Variants in YBX3 observed in about 807,000 individuals in gnomAD.
YBX3 encodes the protein Y-box binding protein 3, also known as Y-box-binding protein 3.
YBX3 carries 29 observed loss-of-function variants against 42.4 expected under a neutral mutation model. The ratio of observed to expected loss-of-function variants is 0.68; its 90% CI spans 0.51 to 0.93. YBX3 has a LOEUF of 0.93. Among genes scored for constraint, YBX3 ranks in the 40% least tolerant of loss-of-function variants. YBX3 has a pLI of 0.00. For missense variants in YBX3, 517 were observed against 527.5 expected (o/e 0.98, Z 0.19); for synonymous variants, 195 against 189.8 (o/e 1.03, Z -0.22).
intron 1 of YBX3, chr12:10,722,292 T>C (rs138156797): frequency 1.3e-5 from 2 of 152,406 alleles, no homozygotes; most frequent in South Asian, 2.1e-4. Context: ...CCCATGCCCA[T>C]GTGGGAAGGG....
chr12:10,712,976 C>T (rs1948216408), intron 5 of YBX3: 2 of 485,772 alleles, frequency 4.1e-6, no homozygotes, highest in South Asian at 3.5e-5. Flanking sequence ...TCAGAAATCA[C>T]CACTAAAGAA....
At chr12:10,705,396 T>G (rs1174890943) in intron 6 of YBX3, among the ~76,000 whole-genome samples, 1 of 152,210 alleles carries the variant, frequency 6.6e-6, no homozygotes, top group Non-Finnish European at 1.5e-5. Context: ...TTGGTTTTCA[T>G]GACCCTGATA....
intron 8 of YBX3, 93 bp downstream of exon 8, chr12:10,701,866 TC>T: frequency 7.2e-7 from 1 of 1,390,150 alleles, no homozygotes; most frequent in South Asian, 1.4e-5. Flanking sequence ...TTGTTAAGTG[TC>T]AGGTTTCATG....
At chr12:10,713,484 G>A in intron 4 of YBX3, 151 bp from the exon 5 acceptor site, 2 of 1,002,378 alleles carry the variant, frequency 2.0e-6, no homozygotes, top group African/African-American at 1.6e-5. Context: ...TAAACAAAGT[G>A]AGCAAGGTAC....
chr12:10,702,026 G>A lies in YBX3; in HGVS notation c.987C>T (p.Tyr329=), dbSNP rs10845205. Residue 329 remains tyrosine, a synonymous_variant, in exon 8 of 10, where the codon TAC becomes TAT. Transcript: ENST00000228251. ...GACGCCGGTAATTGTAGGGACGCCG[G>A]TATCCACGGCGAACAGACGGCTGGT... ...GPNQPSVRRG[Y]RRPYNYRRRP... The A allele has an allele frequency of 0.091, 146,341 of 1,613,776 alleles. 7,648 individuals carry two copies. Among genetic ancestry groups the A allele is most frequent in the African/African-American group, 0.23 (16,936 of 74,932 alleles).
chr12:10,722,974 CG>C lies in YBX3; in HGVS notation c.137del (p.Pro46ArgfsTer28). The part of the protein sequence containing the change: ...VGSGAPQAAA[P>X]APAAHVAGNP... ...TTCCTGCGACGTGGGCGGCGGGCGC[CG>C]GGGCCGCGGCCTGGGGCGCACCGCT... On this transcript the variant is annotated frameshift_variant, in exon 1 of 10. Coordinates refer to ENST00000228251, the MANE Select transcript of YBX3 (RefSeq NM_003651.5). LOFTEE classifies it high-confidence loss of function. 8.1e-7 allele frequency: 1 copy of C among 1,236,294 alleles called. No individual in the cohort carries two copies. Among genetic ancestry groups the C allele is most frequent in the Non-Finnish European group, 1.0e-6 (1 of 994,428 alleles). 76.6% of individuals were successfully genotyped at this position (1,236,294 alleles called of 1,614,324 possible).
intron 6 of YBX3, among the ~76,000 whole-genome samples, chr12:10,705,433 T>C (rs1470639461): frequency 2.0e-5 from 3 of 152,210 alleles, no homozygotes; most frequent in Non-Finnish European, 4.4e-5. Context: ...AAACCAGTTA[T>C]TTTGTAAAAT....
rs753611121 is a variant in YBX3, at chr12:10,719,150, T to C, written c.263-7A>G. 6.2e-7 allele frequency: 1 copy of C among 1,612,460 alleles called. No individual in the cohort carries two copies. The highest frequency in any genetic ancestry group is 1.7e-5 in the Admixed American group (1 of 59,900). ...GTGCCAAGGACTTTGGTGGCTAAAA[T>C]AGGATTAAGCAGATAAATTAGTATC... On this transcript the variant is annotated splice_polypyrimidine_tract_variant and splice_region_variant and intron_variant, in intron 1 of 9. Transcript: ENST00000228251.
chr12:10,718,045 C>A, intron 3 of YBX3, 43 bp downstream of exon 3: 1 of 1,546,374 alleles, frequency 6.5e-7, no homozygotes, highest in Non-Finnish European at 8.8e-7. Context: ...GATTACACAC[C>A]CTCTCCTCAC....
chr12:10,701,238 C>T lies in YBX3; in HGVS notation c.*34+16G>A. Reference sequence around the variant, plus strand: ...AAGAAAATACCAACTCAAGACTGGGCTGCCCCAGCTCTTACCTGCCGATGG... The same window carrying T: ...AAGAAAATACCAACTCAAGACTGGGTTGCCCCAGCTCTTACCTGCCGATGG... On this transcript the variant is annotated intron_variant, in intron 9 of 9. Transcript: ENST00000228251. The T allele has an allele frequency of 1.3e-6, 1 of 771,422 alleles. No individual in the cohort carries two copies. The highest frequency in any genetic ancestry group is 2.4e-6 in the Non-Finnish European group (1 of 415,826). The allele number at this position is 771,422 out of a possible 1,614,324, so 47.8% of individuals were successfully genotyped here.
chr12:10,708,840 T>C (rs1948166748), intron 6 of YBX3, among the ~76,000 whole-genome samples: 5 of 152,240 alleles, frequency 3.3e-5, no homozygotes, highest in Admixed American at 2.6e-4. Context: ...AAACGTGATA[T>C]ATGTTGTATA....
At chr12:10,704,973 T>C (rs1948121507) in intron 6 of YBX3, among the ~76,000 whole-genome samples, 1 of 152,256 alleles carries the variant, frequency 6.6e-6, no homozygotes, top group Admixed American at 6.5e-5. Flanking sequence ...ACAGAAAAGT[T>C]AAATGTAATT....
rs202204250 is a variant in YBX3 at position 10,708,786 on chromosome 12, A to T, written c.780+1122T>A. Among the ~76,000 whole-genome samples, 5 of 152,378 alleles carry T rather than the reference A, an allele frequency of 3.3e-5. No homozygotes were observed. In the East Asian group the frequency reaches 7.7e-4, roughly 23 times the overall value. ...AACTTCAATTCCTAAGGTGAAATAC[A>T]TTTTATTTCAAAAGATATGAAAAAG... On this transcript the variant is annotated intron_variant, in intron 6 of 9. Transcript: ENST00000228251.
chr12:10,701,938 C>A (rs2305849), intron 8 of YBX3, 22 bp downstream of exon 8: 2 of 1,601,528 alleles, frequency 1.2e-6, no homozygotes. Context: ...TGGCAACATC[C>A]GCCCTGACTG....
At chr12:10,713,734 T>C (rs1948227177) in intron 4 of YBX3, among the ~76,000 whole-genome samples, 1 of 152,182 alleles carries the variant, frequency 6.6e-6, no homozygotes, top group South Asian at 2.1e-4. Context: ...GTCTAGGAGG[T>C]ACCAAGAGGA....
At position 10,713,282 on chromosome 12, in the gene YBX3, T is replaced by C. The variant is rs1388862217; in HGVS notation, c.502A>G (p.Ser168Gly). The C allele has an allele frequency of 6.2e-7, 1 of 1,613,930 alleles. No homozygotes were observed. The highest frequency in any genetic ancestry group is 8.5e-7 in the Non-Finnish European group (1 of 1,180,016). ...TGPDGVPVEG[S>G]RYAADRRRYR... ...CGGCGCCGATCTGCAGCGTAACGAC[T>C]CCCTTCCACAGGAACTCCATCCGGG... The change falls in exon 5 of 10, where the codon AGT (serine) becomes GGT (glycine). Residue 168 changes from serine to glycine, a missense_variant. Ser to Gly is a moderately conservative substitution (Grantham distance 56, BLOSUM62 0). This residue lies in a region of YBX3 where 420 missense variants were observed against 408.5 expected (regional missense o/e 1.03). Coordinates refer to ENST00000228251, the MANE Select transcript of YBX3 (RefSeq NM_003651.5).
At chr12:10,700,294 G>T (rs940401350) in intron 9 of YBX3, among the ~76,000 whole-genome samples, 1 of 152,092 alleles carries the variant, frequency 6.6e-6, no homozygotes. Flanking sequence ...ATGGCCTTAA[G>T]ACACAAGAAC....
chr12:10,709,171 A>C (rs1948170280), intron 6 of YBX3, among the ~76,000 whole-genome samples: 1 of 152,028 alleles, frequency 6.6e-6, no homozygotes, highest in Non-Finnish European at 1.5e-5. Context: ...CGGTGAGGGG[A>C]AAAAAAAGAA....
At chr12:10,707,705 T>A (rs530075470) in intron 6 of YBX3, among the ~76,000 whole-genome samples, 17 of 152,322 alleles carry the variant, frequency 1.1e-4, no homozygotes, top group African/African-American at 4.1e-4. Flanking sequence ...GTAGGTCAAG[T>A]CTTTACAGTG....
Sources: gnomAD v4.1 joint callset for allele counts (sites outside exome capture counted in the v4.1 genomes callset) on GRCh38, gnomAD v4.1.1 for gene constraint, gnomAD v4.1.1 regional missense constraint, MANE v1.5 for transcripts, NCBI Gene and HGNC (gene_info 2026-07-23, HGNC 2026-07-21) for gene names.